SYNE2: variants seen among roughly 807,000 people sequenced by gnomAD.
The protein encoded by SYNE2 is spectrin repeat containing nuclear envelope protein 2.
A neutral mutation model predicts 856.3 loss-of-function variants in SYNE2; 431 were observed. That is an observed-to-expected ratio of 0.50 (90% CI 0.47 to 0.55). The LOEUF (loss-of-function observed/expected upper bound fraction) is 0.55, where lower values mean the gene tolerates loss of function less well. Ranked by LOEUF, SYNE2 falls within the 20% of genes least tolerant of loss-of-function variation. SYNE2 has a pLI of 0.00. For synonymous variants in SYNE2, 2,923 were observed against 2,872.3 expected, an observed-to-expected ratio of 1.02 and a Z score of -0.56; for missense variants, 8,129 against 8,023.2, an observed-to-expected ratio of 1.01 and a Z score of -0.50.
chr14:64,189,988 A>G, intron 98 of SYNE2, 83 bp from the exon 99 acceptor site: 1 of 1,432,890 alleles, frequency 7.0e-7, no homozygotes, highest in Non-Finnish European at 9.5e-7. Flanking sequence ...TTTTAATTTC[A>G]AGAGGTAACT....
chr14:63,931,642 T>A (rs1434592689), intron 2 of SYNE2, among the ~76,000 whole-genome samples: 1 of 152,118 alleles, frequency 6.6e-6, no homozygotes, highest in Admixed American at 6.6e-5. Context: ...CTCCATCTAA[T>A]AAGTAAGTTT....
intron 1 of SYNE2, among the ~76,000 whole-genome samples, chr14:63,805,692 A>G (rs1595127231): frequency 6.6e-6 from 1 of 152,244 alleles, no homozygotes; most frequent in African/African-American, 2.4e-5. Flanking sequence ...GAGATCTTTC[A>G]CTGCCCGGTT....
chr14:64,025,465 A>T, intron 41 of SYNE2, 44 bp downstream of exon 41: 1 of 1,573,034 alleles, frequency 6.4e-7, no homozygotes, highest in Non-Finnish European at 8.7e-7. Context: ...AGTGAACTCT[A>T]GTTTTGAAAA....
chr14:64,070,232 G>A (rs2097395027), intron 51 of SYNE2, among the ~76,000 whole-genome samples: 2 of 152,152 alleles, frequency 1.3e-5, no homozygotes, highest in African/African-American at 4.8e-5. Context: ...TACAGGGATT[G>A]GAAGTGAAAG....
At chr14:64,135,588 A>C (rs1245408073) in intron 78 of SYNE2, among the ~76,000 whole-genome samples, 1 of 152,230 alleles carries the variant, frequency 6.6e-6, no homozygotes, top group Non-Finnish European at 1.5e-5. Context: ...TGCAGATGAG[A>C]ACAGTATTTT....
intron 84 of SYNE2, among the ~76,000 whole-genome samples, chr14:64,148,486 A>G (rs994464157): frequency 6.6e-6 from 1 of 152,138 alleles, no homozygotes; most frequent in Non-Finnish European, 1.5e-5. Flanking sequence ...CTGTGCCATT[A>G]CATTTGCAGC....
chr14:63,809,774 TAC>T (rs1888543418), intron 1 of SYNE2, among the ~76,000 whole-genome samples: 1 of 152,214 alleles, frequency 6.6e-6, no homozygotes, highest in Non-Finnish European at 1.5e-5. Flanking sequence ...GTGCTGGGAT[TAC>T]AGACATGAGC....
chr14:64,225,454 C>T lies in SYNE2; in HGVS notation c.20652C>T (p.Cys6884=). The change falls in exon 116 of 116, where the codon TGC becomes TGT. Residue 6884 remains cysteine (C), a synonymous_variant. Coordinates refer to ENST00000555002, the MANE Select transcript of SYNE2 (RefSeq NM_182914.3). ...LLPSSEEDYS[C]TQANNFARSF... Reference sequence around the variant, plus strand: ...CCTCCTCCGAAGAAGACTACAGCTGCACTCAGGCCAACAACTTTGCCCGGT... The same window carrying T: ...CCTCCTCCGAAGAAGACTACAGCTGTACTCAGGCCAACAACTTTGCCCGGT... The T allele has an allele frequency of 3.1e-6, 5 of 1,614,212 alleles. No individual in the cohort carries two copies. The highest frequency in any genetic ancestry group is 4.2e-6 in the Non-Finnish European group (5 of 1,180,038).
Position 64,080,467 on chromosome 14 carries a change from C to T in SYNE2, c.11175C>T (p.Asp3725=), listed in dbSNP as rs138545972. Residue 3725 remains aspartate, a synonymous_variant, in exon 56 of 116, where the codon GAC becomes GAT. Transcript: ENST00000555002. ...KAQEIQKKMW[D]ELDLWHSKLN... is the part of the protein sequence containing the mutation. ...ATTTCCTTCTCCAGAAAATGTGGGA[C>T]GAGTTAGATCTATGGCATTCCAAAC... 2.7e-5 allele frequency: 44 copies of T among 1,614,090 alleles called. No homozygotes were observed. Among genetic ancestry groups the T allele is most frequent in the South Asian group, 5.5e-5 (5 of 91,080 alleles).
At chr14:64,212,129 A>G (rs1400685176) in intron 104 of SYNE2, 31 bp downstream of exon 104, 1 of 1,613,170 alleles carries the variant, frequency 6.2e-7, no homozygotes, top group East Asian at 2.2e-5. Flanking sequence ...AGCTCTTCTC[A>G]AAAGAACACA....
chr14:64,043,650 A>G (rs1475809129), intron 45 of SYNE2, among the ~76,000 whole-genome samples: 1 of 152,266 alleles, frequency 6.6e-6, no homozygotes, highest in Non-Finnish European at 1.5e-5. Context: ...GCAAGCCCCA[A>G]GCCTTGGCAG....
chr14:63,898,802 C>G (rs966326018), intron 1 of SYNE2, among the ~76,000 whole-genome samples: 1 of 152,100 alleles, frequency 6.6e-6, no homozygotes, highest in Non-Finnish European at 1.5e-5. Context: ...ACACTTGATT[C>G]GTACTTTAGC....
rs2098581856 is a variant in SYNE2, at chr14:64,202,882, A to T, written c.18120A>T (p.Arg6040=). 6.2e-7 allele frequency: 1 copy of T among 1,614,026 alleles called. No individual in the cohort carries two copies. Among genetic ancestry groups the T allele is most frequent in the African/African-American group, 1.3e-5 (1 of 74,906 alleles). ...GCAACCTTCGCACCTGGTTGGCTCGAATTGAGTCTGAGCTTTCCAAGCCTG... is the reference window on the plus strand; with the variant it reads ...GCAACCTTCGCACCTGGTTGGCTCGTATTGAGTCTGAGCTTTCCAAGCCTG... ...NMSNLRTWLA[R]IESELSKPVV... is the part of the protein sequence containing the mutation. Residue 6040 remains arginine, a synonymous_variant, in exon 100 of 116, where the codon CGA becomes CGT. Coordinates refer to ENST00000555002, the MANE Select transcript of SYNE2 (RefSeq NM_182914.3).
chr14:63,954,880 A>G lies in SYNE2; in HGVS notation c.752A>G (p.Gln251Arg). 1 of 1,613,810 alleles carries G rather than the reference A, an allele frequency of 6.2e-7. No individual in the cohort carries two copies. Among genetic ancestry groups the G allele is most frequent in the Non-Finnish European group, 8.5e-7 (1 of 1,179,934 alleles). Residue 251 changes from glutamine (Q) to arginine (R), a missense_variant, in exon 8 of 116, where the codon CAA becomes CGA. Gln to Arg is a conservative substitution (Grantham distance 43, BLOSUM62 1). Around this residue, in one of 3 missense-constraint regions of SYNE2, gnomAD observed 2,422 missense variants for 2,357.4 expected, o/e 1.03. Coordinates refer to ENST00000555002, the MANE Select transcript of SYNE2 (RefSeq NM_182914.3). ...AGAGAGGCCTTCAGAATTGCAGAAC[A>G]AGAATTAAAAATCCCCAGATTGCTG... ...NLREAFRIAE[Q>R]ELKIPRLLEP...
intron 1 of SYNE2, among the ~76,000 whole-genome samples, chr14:63,898,316 A>G (rs772749241): frequency 3.3e-5 from 5 of 152,104 alleles, no homozygotes; most frequent in Non-Finnish European, 7.3e-5. Context: ...TTCTGTATTC[A>G]ATGCCCAGTC....
chr14:63,964,640 T>C lies in SYNE2; in HGVS notation c.990+640T>C, dbSNP rs1022975015. 3.3e-5 allele frequency among the ~76,000 whole-genome samples: 5 copies of C among 152,164 alleles called. No homozygotes were observed. The East Asian group carries it at 9.6e-4, about 29-fold the overall frequency. ...CCCAGGTTCAAGCAATTCTCCTGCC[T>C]CAGCTTTCCGAGTAGCTGAGATTAC... On this transcript the variant is annotated intron_variant, in intron 10 of 115. Coordinates refer to ENST00000555002, the MANE Select transcript of SYNE2 (RefSeq NM_182914.3).
intron 70 of SYNE2, among the ~76,000 whole-genome samples, chr14:64,122,968 G>A (rs61984151): frequency 0.024 from 3,595 of 151,960 alleles, 55 homozygotes; most frequent in African/African-American, 0.037. Context: ...CCGTGGTGGT[G>A]CATGCCTGTA....
At chr14:63,812,762 T>C (rs1888662321) in intron 1 of SYNE2, among the ~76,000 whole-genome samples, 1 of 152,180 alleles carries the variant, frequency 6.6e-6, no homozygotes, top group African/African-American at 2.4e-5. Flanking sequence ...CCTGCAACAG[T>C]TGACTTTAAG....
rs769221975 is a variant in SYNE2 at position 64,224,453 on chromosome 14, A to G, written c.20383-8A>G. The G allele has an allele frequency of 6.2e-7, 1 of 1,605,576 alleles. No homozygotes were observed. The highest frequency in any genetic ancestry group is 1.7e-5 in the Admixed American group (1 of 59,496). ...TTCTGTGCTCAACCTTTGGGGTCTG[A>G]ATTTCAGAACCCAGCCTCACCCCTG... On this transcript the variant is annotated splice_region_variant and splice_polypyrimidine_tract_variant and intron_variant, in intron 113 of 115. Transcript: ENST00000555002.
Sources: gnomAD v4.1 joint callset for allele counts (sites outside exome capture counted in the v4.1 genomes callset) on GRCh38, gnomAD v4.1.1 for gene constraint, gnomAD v4.1.1 regional missense constraint, MANE v1.5 for transcripts, NCBI Gene and HGNC (gene_info 2026-07-23, HGNC 2026-07-21) for gene names.